SPTBN1: variants seen among roughly 807,000 people sequenced by gnomAD.
SPTBN1 encodes the protein spectrin beta, non-erythrocytic 1.
SPTBN1 carries 32 observed loss-of-function variants against 266.4 expected under a neutral mutation model. The observed-to-expected ratio is 0.12, with a 90% CI of 0.09 to 0.16. The LOEUF is 0.16. Among genes scored for constraint, SPTBN1 ranks in the 10% least tolerant of loss-of-function variants. The pLI is 1.00. For missense variants in SPTBN1, 2,296 were observed against 3,067.1 expected (o/e 0.75, Z 5.94); for synonymous variants, 1,336 against 1,162.2 (o/e 1.15, Z -3.04).
rs1359092869 is a variant in SPTBN1, at chr2:54,671,309, C to T, written c.*2740C>T. The T allele has an allele frequency of 6.6e-6, 1 of 152,376 alleles. No homozygotes were observed. Among genetic ancestry groups the T allele is most frequent in the African/African-American group, 2.4e-5 (1 of 41,424 alleles). The allele number at this position is 152,376 out of a possible 1,614,324, so 9.4% of individuals were successfully genotyped here. A position where few individuals can be genotyped will look rare whatever the true frequency, so the allele number is the denominator to read the frequency against. The stretch of plus-strand genomic sequence containing the variant: ...TGAGTAGGTGAAACACTGTATCAGA[C>T]TGGGTGATGGGCACATTGTCATTTC... On this transcript the variant is annotated 3_prime_UTR_variant, in exon 36 of 36. Transcript: ENST00000356805.
chr2:54,649,739 T>C lies in SPTBN1; in HGVS notation c.5327T>C (p.Ile1776Thr), dbSNP rs774354914. 1.5e-5 allele frequency: 24 copies of C among 1,614,128 alleles called. No homozygotes were observed. The highest frequency in any genetic ancestry group is 2.0e-5 in the Non-Finnish European group (24 of 1,180,028). Residue 1776 changes from isoleucine (I) to threonine (T), a missense_variant, in exon 26 of 36, where the codon ATC becomes ACC. Around this residue, in one of 12 missense-constraint regions of SPTBN1, gnomAD observed 644 missense variants for 745.3 expected, o/e 0.86. Transcript: ENST00000356805. The surrounding 1 kb of genome is among the most constrained non-coding windows in gnomAD (Gnocchi z 6.7). ...INSGHSDAAT[I>T]AEWKDGLNEA... ...TCTGGACATTCAGATGCCGCCACCA[T>C]CGCTGAATGGAAGGATGGCCTCAAT...
rs72077761 is a variant in SPTBN1 at position 54,481,391 on chromosome 2, A to AGTGTGTGT, written c.-48+24916_-48+24923dup. Among the ~76,000 whole-genome samples the AGTGTGTGT allele has an allele frequency of 9.0e-4, 106 of 117,404 alleles. 1 individual carries two copies. Among genetic ancestry groups the AGTGTGTGT allele is most frequent in the Middle Eastern group, 4.0e-3 (1 of 248 alleles). The allele number at this position is 117,404 out of a possible 152,430, so 77.0% of individuals were successfully genotyped here. A position where few individuals can be genotyped will look rare whatever the true frequency, so the allele number is the denominator to read the frequency against. ...GAAGATTAGAGGCTGCAGAAACCTG[A>AGTGTGTGT]GTGTGTGTGTGTGTGTGTGTGTGTG... On this transcript the variant is annotated intron_variant, in intron 1 of 35. Coordinates refer to ENST00000356805, the MANE Select transcript of SPTBN1 (RefSeq NM_003128.3).
At chr2:54,484,389 T>C (rs1253120349) in intron 1 of SPTBN1, among the ~76,000 whole-genome samples, 1 of 152,180 alleles carries the variant, frequency 6.6e-6, no homozygotes, top group Non-Finnish European at 1.5e-5. Flanking sequence ...TGTCAGTAAA[T>C]TTTAGACTTT....
intron 2 of SPTBN1, among the ~76,000 whole-genome samples, chr2:54,571,300 G>A (rs892634890): frequency 6.6e-6 from 1 of 152,154 alleles, no homozygotes; most frequent in African/African-American, 2.4e-5. Context: ...AGCTCTACCA[G>A]TGACTTCACT....
At chr2:54,461,316 C>G (rs1200943552) in intron 1 of SPTBN1, among the ~76,000 whole-genome samples, 1 of 152,120 alleles carries the variant, frequency 6.6e-6, no homozygotes, top group South Asian at 2.1e-4. Flanking sequence ...GTATAGTATT[C>G]TAACGTGATT....
At chr2:54,565,631 A>G (rs953447603) in intron 2 of SPTBN1, among the ~76,000 whole-genome samples, 1 of 152,254 alleles carries the variant, frequency 6.6e-6, no homozygotes, top group African/African-American at 2.4e-5. Context: ...AATCTATTGA[A>G]TTTAACCTTA....
chr2:54,581,713 C>T (rs1029565840), intron 2 of SPTBN1, among the ~76,000 whole-genome samples: 4 of 149,802 alleles, frequency 2.7e-5, no homozygotes, highest in African/African-American at 9.9e-5. Context: ...TTTCTCTTGT[C>T]ATTACTACTT....
chr2:54,458,905 A>T (rs1309562683), intron 1 of SPTBN1, among the ~76,000 whole-genome samples: 1 of 152,232 alleles, frequency 6.6e-6, no homozygotes, highest in African/African-American at 2.4e-5. Flanking sequence ...TTTTGATTTC[A>T]TGTGGCTCTG....
chr2:54,472,843 G>T (rs1693998692), intron 1 of SPTBN1, among the ~76,000 whole-genome samples: 2 of 152,210 alleles, frequency 1.3e-5, no homozygotes, highest in Non-Finnish European at 2.9e-5. Context: ...ATGTTAAATA[G>T]CAGATGAAAA....
rs140309233 is a variant in SPTBN1, at chr2:54,659,224, C to T, written c.6314C>T (p.Pro2105Leu). The change falls in exon 31 of 36, where the codon CCG becomes CTG. Residue 2105 changes from proline to leucine, a missense_variant. This residue lies in a region of SPTBN1 where 347 missense variants were observed against 368.5 expected (regional missense o/e 0.94). Transcript: ENST00000356805. ...ERKRRPPSPE[P>L]STKVSEEAES... The stretch of plus-strand genomic sequence containing the variant: ...AAGAGGCGGCCGCCTTCTCCCGAGC[C>T]GAGCACGAAGGTTTCAGAGGAAGCC... 2.3e-5 allele frequency: 37 copies of T among 1,613,934 alleles called. No homozygotes were observed. Among genetic ancestry groups the T allele is most frequent in the South Asian group, 2.0e-4 (18 of 91,074 alleles).
In SPTBN1 at chr2:54,657,879, G is replaced by A. The variant is rs760421103; in HGVS notation, c.6076G>A (p.Ala2026Thr). The change falls in exon 30 of 36, where the codon GCC (alanine) becomes ACC (threonine). Residue 2026 changes from alanine (A) to threonine (T), a missense_variant. By Grantham distance (58) the Ala-to-Thr change is moderately conservative (BLOSUM62 0). Coordinates refer to ENST00000356805, the MANE Select transcript of SPTBN1 (RefSeq NM_003128.3). The stretch of plus-strand genomic sequence containing the variant: ...GGAGGTCCATCAGTTCTCAAGAGAC[G>A]CCAGTGTGGCCGAGGCCTGGCTGCT... The part of the protein sequence containing the change: ...ILEVHQFSRD[A>T]SVAEAWLLGQ... 5.6e-6 allele frequency: 9 copies of A among 1,614,106 alleles called. No individual in the cohort carries two copies. Among genetic ancestry groups the A allele is most frequent in the African/African-American group, 5.3e-5 (4 of 74,940 alleles).
At chr2:54,479,776 T>C (rs1326001046) in intron 1 of SPTBN1, among the ~76,000 whole-genome samples, 2 of 152,246 alleles carry the variant, frequency 1.3e-5, no homozygotes, top group Non-Finnish European at 2.9e-5. Flanking sequence ...TAAAAAATTA[T>C]TTAGGGTACT....
chr2:54,479,609 C>G (rs1323782998), intron 1 of SPTBN1, among the ~76,000 whole-genome samples: 1 of 152,182 alleles, frequency 6.6e-6, no homozygotes. Context: ...CATGGTCACT[C>G]TAGTCTTAAC....
chr2:54,624,762 A>G (rs769005630), intron 10 of SPTBN1, 42 bp from the exon 11 acceptor site: 2 of 1,612,262 alleles, frequency 1.2e-6, no homozygotes, highest in Non-Finnish European at 8.5e-7. Context: ...TGAACACTGC[A>G]GGAAACTGTG....
Position 54,670,937 on chromosome 2 carries a change from T to C in SPTBN1, c.*2368T>C. 2.5e-6 allele frequency: 1 copy of C among 397,620 alleles called. No individual in the cohort carries two copies. The highest frequency in any genetic ancestry group is 4.4e-6 in the Non-Finnish European group (1 of 225,952). The allele number at this position is 397,620 out of a possible 1,614,324, so 24.6% of individuals were successfully genotyped here. A position where few individuals can be genotyped will look rare whatever the true frequency, so the allele number is the denominator to read the frequency against. On this transcript the variant is annotated 3_prime_UTR_variant, in exon 36 of 36. Transcript: ENST00000356805. ...CTGATGAGCTTCAAGCCTGGCAGGGTAAATAGTTTTTGGGTTTTTTGTTTT... is the reference window on the plus strand; with the variant it reads ...CTGATGAGCTTCAAGCCTGGCAGGGCAAATAGTTTTTGGGTTTTTTGTTTT...
intron 2 of SPTBN1, among the ~76,000 whole-genome samples, chr2:54,589,216 C>A (rs557757594): frequency 6.6e-6 from 1 of 152,208 alleles, no homozygotes; most frequent in Admixed American, 6.5e-5. Context: ...AAGCCCCCAT[C>A]ATAACCTCAG....
At chr2:54,561,637 T>G (rs1475409143) in intron 2 of SPTBN1, among the ~76,000 whole-genome samples, 2 of 145,128 alleles carry the variant, frequency 1.4e-5, no homozygotes, top group Non-Finnish European at 2.9e-5. Flanking sequence ...ATGAGTCTGG[T>G]CTATTTAGAT....
intron 2 of SPTBN1, among the ~76,000 whole-genome samples, chr2:54,590,486 C>G (rs1281531416): frequency 6.6e-6 from 1 of 152,190 alleles, no homozygotes; most frequent in African/African-American, 2.4e-5. Context: ...AGGATTGAGC[C>G]TTTGCCTCTG....
chr2:54,490,856 A>G (rs1668649221), intron 1 of SPTBN1, among the ~76,000 whole-genome samples: 1 of 152,260 alleles, frequency 6.6e-6, no homozygotes, highest in Non-Finnish European at 1.5e-5. Context: ...GAGAGAGAAA[A>G]CAGTGTGTTT....
Sources: gnomAD v4.1 joint callset for allele counts (sites outside exome capture counted in the v4.1 genomes callset) on GRCh38, gnomAD v4.1.1 for gene constraint, gnomAD v4.1.1 regional missense constraint, Gnocchi (gnomAD v3.1) non-coding constraint, MANE v1.5 for transcripts, NCBI Gene and HGNC (gene_info 2026-07-23, HGNC 2026-07-21) for gene names.